BACE2: variants seen among roughly 807,000 people sequenced by gnomAD.
BACE2 encodes the protein beta-secretase 2.
BACE2 carries 17 observed loss-of-function variants against 46.2 expected under a neutral mutation model. The observed-to-expected ratio is 0.37, with a 90% CI of 0.25 to 0.55. The LOEUF (loss-of-function observed/expected upper bound fraction) is 0.55. Among genes scored for constraint, BACE2 ranks in the 20% least tolerant of loss-of-function variants. The probability of loss-of-function intolerance (pLI) is 0.82; values close to 1 mark genes in which losing one functional copy is unlikely to be tolerated. For synonymous variants in BACE2, 277 were observed against 295.9 expected, an observed-to-expected ratio of 0.94 and a Z score of 0.66; for missense variants, 595 against 698.1, an observed-to-expected ratio of 0.85 and a Z score of 1.66.
intron 8 of BACE2, among the ~76,000 whole-genome samples, chr21:41,267,124 G>A (rs367837578): frequency 2.6e-5 from 4 of 152,248 alleles, no homozygotes; most frequent in Non-Finnish European, 4.4e-5. Context: ...CTTTTCCAGC[G>A]AAGGCACAGC....
chr21:41,271,832 G>T (rs2088437822), intron 8 of BACE2, among the ~76,000 whole-genome samples: 1 of 152,066 alleles, frequency 6.6e-6, no homozygotes, highest in Non-Finnish European at 1.5e-5. Context: ...CCAGCACATT[G>T]TTATAATTTT....
intron 1 of BACE2, among the ~76,000 whole-genome samples, chr21:41,210,020 C>T (rs1986248945): frequency 6.6e-6 from 1 of 151,856 alleles, no homozygotes; most frequent in Non-Finnish European, 1.5e-5. Flanking sequence ...CAACCTATCA[C>T]CCCAGGAACG....
rs1270554601 is a variant in BACE2, at chr21:41,281,585, G to C, written c.*5961G>C. ...TGAGTATGGTTTCGCTTGCTACATT[G>C]TGCCTATTAAAGTAAAATTTTACAC... On this transcript the variant is annotated 3_prime_UTR_variant, in exon 9 of 9. Transcript: ENST00000330333. The C allele has an allele frequency of 6.6e-6, 1 of 152,314 alleles. No homozygotes were observed. The highest frequency in any genetic ancestry group is 1.9e-4 in the East Asian group (1 of 5,186). 9.4% of individuals were successfully genotyped at this position (152,314 alleles called of 1,614,324 possible).
chr21:41,227,438 C>T (rs1285908501), intron 2 of BACE2, among the ~76,000 whole-genome samples: 2 of 152,214 alleles, frequency 1.3e-5, no homozygotes, highest in Non-Finnish European at 2.9e-5. Flanking sequence ...GAAAGAATAA[C>T]TGAAGTCTTC....
chr21:41,222,430 C>T (rs1451381984), intron 1 of BACE2, among the ~76,000 whole-genome samples: 2 of 152,160 alleles, frequency 1.3e-5, no homozygotes, highest in Admixed American at 1.3e-4. Flanking sequence ...TGGACCTGGA[C>T]CTGGGTATCC....
intron 1 of BACE2, chr21:41,175,131 A>G (rs1984770687): frequency 6.6e-6 from 1 of 152,242 alleles, no homozygotes; most frequent in Non-Finnish European, 1.5e-5. Flanking sequence ...TCTCAAAAGA[A>G]GAGAGAATAC....
chr21:41,229,620 T>C (rs1986918523), intron 2 of BACE2, among the ~76,000 whole-genome samples: 1 of 151,268 alleles, frequency 6.6e-6, no homozygotes, highest in Non-Finnish European at 1.5e-5. Context: ...CTATGTGCAA[T>C]ATTTCATCAA....
Position 41,277,408 on chromosome 21 carries a change from T to C in BACE2, c.*1784T>C, listed in dbSNP as rs2088502669. ...ACGGAACGGGAGGAGGGGGCTCTTG[T>C]ATCAGGGCCCGTTGTCACATCCGCT... On this transcript the variant is annotated 3_prime_UTR_variant, in exon 9 of 9. Coordinates refer to ENST00000330333, the MANE Select transcript of BACE2 (RefSeq NM_012105.5). 1 of 152,222 alleles carries C rather than the reference T, an allele frequency of 6.6e-6. No individual in the cohort carries two copies. The highest frequency in any genetic ancestry group is 2.1e-4 in the South Asian group (1 of 4,834). The allele number at this position is 152,222 out of a possible 1,614,324, so 9.4% of individuals were successfully genotyped here.
At position 41,257,234 on chromosome 21, in the gene BACE2, C is replaced by T. The variant is rs761539461; in HGVS notation, c.1211C>T (p.Ala404Val). 5.0e-6 allele frequency: 8 copies of T among 1,614,166 alleles called. No individual in the cohort carries two copies. The highest frequency in any genetic ancestry group is 1.7e-5 in the Admixed American group (1 of 60,018). The change falls in exon 8 of 9, where the codon GCG (alanine) becomes GTG (valine). Residue 404 changes from alanine (A) to valine (V), a missense_variant. Transcript: ENST00000330333. ...YRFGISPSTN[A>V]LVIGATVMEG... is the part of the protein sequence containing the mutation. ...TTCGGCATTTCCCCATCCACAAATG[C>T]GCTGGTGATCGGTGCCACGGTGATG...
intron 2 of BACE2, among the ~76,000 whole-genome samples, chr21:41,234,876 C>G (rs988943603): frequency 5.9e-5 from 9 of 152,194 alleles, no homozygotes; most frequent in African/African-American, 1.7e-4. Flanking sequence ...TCTGTGGTCA[C>G]TTTTCTGTTT....
intron 2 of BACE2, among the ~76,000 whole-genome samples, chr21:41,236,146 T>C (rs1287600096): frequency 6.6e-6 from 1 of 152,184 alleles, no homozygotes; most frequent in East Asian, 1.9e-4. Flanking sequence ...GTTTCTTAGG[T>C]TCCTTCCTAT....
chr21:41,196,114 G>A lies in BACE2; in HGVS notation c.312+27539G>A, dbSNP rs550927737. On this transcript the variant is annotated intron_variant, in intron 1 of 8. Coordinates refer to ENST00000330333, the MANE Select transcript of BACE2 (RefSeq NM_012105.5). ...AGCCTGGCCAACATGGTGAAACCCC[G>A]TCTTTACTAAAAAAAATAAAAATAA... Among the ~76,000 whole-genome samples the A allele has an allele frequency of 1.6e-4, 24 of 151,870 alleles. 2 individuals are homozygous for A. The South Asian group carries it at 4.0e-3, about 25-fold the overall frequency.
chr21:41,221,407 T>A (rs1454757362), intron 1 of BACE2, among the ~76,000 whole-genome samples: 1 of 152,206 alleles, frequency 6.6e-6, no homozygotes, highest in Non-Finnish European at 1.5e-5. Context: ...TACACACAGC[T>A]GGTTTGTGTG....
chr21:41,213,517 G>A (rs944369776), intron 1 of BACE2, among the ~76,000 whole-genome samples: 3 of 152,222 alleles, frequency 2.0e-5, no homozygotes, highest in Non-Finnish European at 2.9e-5. Flanking sequence ...GCTCACGCCT[G>A]TAATCGCAGC....
intron 8 of BACE2, among the ~76,000 whole-genome samples, chr21:41,275,064 C>G (rs115675279): frequency 1.1e-4 from 17 of 152,180 alleles, no homozygotes; most frequent in Non-Finnish European, 2.2e-4. Context: ...CTGTGTAGTA[C>G]CGCAGTGTCG....
intron 1 of BACE2, chr21:41,183,437 A>T (rs1985223566): frequency 6.0e-6 from 1 of 167,056 alleles, no homozygotes; most frequent in African/African-American, 2.4e-5. Flanking sequence ...AAAACATATT[A>T]AATAAAATGA....
chr21:41,205,826 A>G (rs549803881), intron 1 of BACE2, among the ~76,000 whole-genome samples: 112 of 152,332 alleles, frequency 7.4e-4, no homozygotes, highest in Admixed American at 1.2e-3. Flanking sequence ...ACATCGGGTC[A>G]TGAATTCAAT....
intron 3 of BACE2, among the ~76,000 whole-genome samples, chr21:41,240,784 G>T (rs1446819513): frequency 1.3e-5 from 2 of 152,208 alleles, no homozygotes; most frequent in Admixed American, 6.5e-5. Context: ...AAGCTGAGAT[G>T]AAACAAGTAG....
intron 3 of BACE2, among the ~76,000 whole-genome samples, chr21:41,240,560 C>A (rs567991735): frequency 2.6e-4 from 39 of 152,316 alleles, no homozygotes; most frequent in African/African-American, 8.7e-4. Flanking sequence ...ACAAGTCACT[C>A]GGCTGGCAAG....
Sources: allele counts gnomAD v4.1 joint callset (sites outside exome capture counted in the v4.1 genomes callset), GRCh38; gene constraint gnomAD v4.1.1; transcripts MANE v1.5; gene names NCBI Gene and HGNC (gene_info 2026-07-23, HGNC 2026-07-21).